Variants in TMC5 observed in about 807,000 individuals in gnomAD.
TMC5 encodes the protein transmembrane channel-like protein 5.
Under a neutral mutation model 110.5 loss-of-function variants are expected in TMC5, and 86 were observed. The ratio of observed to expected loss-of-function variants is 0.78; its 90% CI spans 0.65 to 0.93. The LOEUF is 0.93. Among genes scored for constraint, TMC5 ranks in the 40% least tolerant of loss-of-function variants. The probability of loss-of-function intolerance (pLI) is 0.00; values close to 1 mark genes in which losing one functional copy is unlikely to be tolerated. For synonymous variants in TMC5, 455 were observed against 439.5 expected (o/e 1.04, Z -0.44); for missense variants, 1,144 against 1,222.8 (o/e 0.94, Z 0.96).
intron 1 of TMC5, among the ~76,000 whole-genome samples, chr16:19,418,911 T>A (rs896301257): frequency 1.3e-5 from 2 of 152,110 alleles, no homozygotes; most frequent in Non-Finnish European, 2.9e-5. Flanking sequence ...TGATTTTTAG[T>A]AGAGACAAGG....
Position 19,440,773 on chromosome 16 carries a change from T to G in TMC5, c.735T>G (p.Asp245Glu). The change falls in exon 3 of 22, where the codon GAT becomes GAG. Residue 245 changes from aspartate (D) to glutamate (E), a missense_variant. Coordinates refer to ENST00000542583, the MANE Select transcript of TMC5 (RefSeq NM_001261841.2). ...PSTWREPDYS[D>E]AENGHDYGSS... is the part of the protein sequence containing the mutation. ...CTTGGAGAGAACCTGATTATTCAGA[T>G]GCTGAGAATGGTCATGATTATGGCT... The G allele has an allele frequency of 6.2e-7, 1 of 1,614,044 alleles. No individual in the cohort carries two copies. The highest frequency in any genetic ancestry group is 8.5e-7 in the Non-Finnish European group (1 of 1,180,040).
At chr16:19,423,501 G>A (rs189320797) in intron 1 of TMC5, among the ~76,000 whole-genome samples, 3 of 152,122 alleles carry the variant, frequency 2.0e-5, no homozygotes, top group African/African-American at 7.2e-5. Context: ...CCCTAATAAA[G>A]TTCTACCCCC....
chr16:19,443,307 T>C (rs1359067208), intron 3 of TMC5, among the ~76,000 whole-genome samples: 1 of 152,254 alleles, frequency 6.6e-6, no homozygotes, highest in Non-Finnish European at 1.5e-5. Context: ...ATTTCCTTTA[T>C]ATATTCAGCA....
At chr16:19,451,829 C>T (rs116081301) in intron 5 of TMC5, among the ~76,000 whole-genome samples, 3,115 of 152,206 alleles carry the variant, frequency 0.02, 43 homozygotes, top group South Asian at 0.076. Context: ...TTAAGGATCT[C>T]ACTCCGTTAT....
chr16:19,434,527 T>A (rs909572451), intron 2 of TMC5, among the ~76,000 whole-genome samples: 1 of 149,210 alleles, frequency 6.7e-6, no homozygotes, highest in African/African-American at 2.5e-5. Context: ...TCTTGCTATG[T>A]TGCCCAGGCT....
chr16:19,493,474 T>TA (rs1440417425), intron 19 of TMC5, among the ~76,000 whole-genome samples: 1 of 151,926 alleles, frequency 6.6e-6, no homozygotes, highest in African/African-American at 2.4e-5. Context: ...TCTTTTTTTT[T>TA]TTTTGAGACA....
chr16:19,481,230 A>G (rs953047767), intron 14 of TMC5, 140 bp from the exon 15 acceptor site: 1 of 652,364 alleles, frequency 1.5e-6, no homozygotes, highest in Non-Finnish European at 2.7e-6. Context: ...TAGATTTAGA[A>G]CTTTTGAAAA....
Position 19,440,830 on chromosome 16 carries a change from A to C in TMC5, c.788+4A>C. ...AGACCCCAAAGATGACCAGGGGGTA[A>C]GTTCAGATATATATCCCTTCACTGG... On this transcript the variant is annotated splice_donor_region_variant and intron_variant, in intron 3 of 21. Transcript: ENST00000542583. 1 of 1,610,174 alleles carries C rather than the reference A, an allele frequency of 6.2e-7. No homozygotes were observed. Among genetic ancestry groups the C allele is most frequent in the Non-Finnish European group, 8.5e-7 (1 of 1,178,404 alleles).
chr16:19,434,499 G>GATAGATAGATAT lies in TMC5; in HGVS notation c.-80+3860_-80+3861insTAGATAGATATA, dbSNP rs747139925. On this transcript the variant is annotated intron_variant, in intron 2 of 21. Transcript: ENST00000542583. ...AGATAGATAGATAGATAGATATAGA[G>GATAGATAGATAT]AGAGAGAGAGATGGGGGTCTTGCTA... Among the ~76,000 whole-genome samples the GATAGATAGATAT allele has an allele frequency of 2.4e-3, 304 of 127,096 alleles. 10 individuals carry two copies. The highest frequency in any genetic ancestry group is 6.3e-3 in the Admixed American group (72 of 11,480). 83.4% of individuals were successfully genotyped at this position (127,096 alleles called of 152,430 possible).
chr16:19,451,337 C>T (rs941555829), intron 5 of TMC5, among the ~76,000 whole-genome samples: 3 of 152,118 alleles, frequency 2.0e-5, no homozygotes, highest in African/African-American at 7.2e-5. Context: ...CCTCATCCTT[C>T]AAGAGATGTA....
rs990894572 is a variant in TMC5 at position 19,429,895 on chromosome 16, T to G, written c.-307-518T>G. ...CTTTTTATAAGGACACCAGTCATGT[T>G]GCATTAGGTCCCACCCCAGTGAACT... On this transcript the variant is annotated intron_variant, in intron 1 of 21. Coordinates refer to ENST00000542583, the MANE Select transcript of TMC5 (RefSeq NM_001261841.2). Among the ~76,000 whole-genome samples the G allele has an allele frequency of 4.6e-5, 7 of 152,048 alleles. No homozygotes were observed. In the East Asian group the frequency reaches 1.4e-3, roughly 29 times the overall value.
At chr16:19,434,340 ATAT>A (rs1415374721) in intron 2 of TMC5, among the ~76,000 whole-genome samples, 1 of 123,814 alleles carries the variant, frequency 8.1e-6, no homozygotes, top group Admixed American at 1.0e-4. Context: ...TATATAATAT[ATAT>A]TATATGATCT....
At chr16:19,417,168 C>G (rs1285502573), upstream of TMC5, among the ~76,000 whole-genome samples, 1 of 149,784 alleles carries the variant, frequency 6.7e-6, no homozygotes, top group African/African-American at 2.5e-5. Flanking sequence ...CCTGTAATCT[C>G]AGCAGTTTTG....
At chr16:19,492,915 G>GATATATATATATATCTATATAT (rs1968945360) in intron 19 of TMC5, among the ~76,000 whole-genome samples, 1 of 42,752 alleles carries the variant, frequency 2.3e-5, no homozygotes, top group African/African-American at 5.4e-5. Flanking sequence ...TTAAAACTTA[G>GATATATATATATATCTATATAT]ATATATATAT....
intron 6 of TMC5, among the ~76,000 whole-genome samples, chr16:19,462,909 A>G (rs1368539495): frequency 6.6e-6 from 1 of 151,796 alleles, no homozygotes; most frequent in East Asian, 1.9e-4. Context: ...AAAAAAAAAA[A>G]AAAAGAAAAA....
At chr16:19,485,590 G>A (rs939691191) in intron 15 of TMC5, among the ~76,000 whole-genome samples, 4 of 152,150 alleles carry the variant, frequency 2.6e-5, no homozygotes, top group African/African-American at 4.8e-5. Context: ...GAGCCACCAC[G>A]CCTGGCCTCT....
At chr16:19,427,092 C>T (rs967624818) in intron 1 of TMC5, among the ~76,000 whole-genome samples, 2 of 152,124 alleles carry the variant, frequency 1.3e-5, no homozygotes, top group Non-Finnish European at 2.9e-5. Context: ...CCAGCAGGCT[C>T]CCAGGTGACT....
chr16:19,440,366 T>A lies in TMC5; in HGVS notation c.328T>A (p.Tyr110Asn). The A allele has an allele frequency of 6.2e-7, 1 of 1,614,010 alleles. No homozygotes were observed. Among genetic ancestry groups the A allele is most frequent in the Non-Finnish European group, 8.5e-7 (1 of 1,180,006 alleles). The change falls in exon 3 of 22, where the codon TAT becomes AAT. Residue 110 changes from tyrosine to asparagine, a missense_variant. Physicochemically the swap from Tyr to Asn is moderately radical, Grantham distance 143. Transcript: ENST00000542583. The part of the protein sequence containing the change: ...DHPTSLPEPD[Y>N]SEFQSHPYHR... ...TCCTACCTCTCTACCAGAGCCAGAT[T>A]ATAGTGAATTTCAGAGTCATCCCTA...
At chr16:19,449,685 A>T in intron 5 of TMC5, 54 bp downstream of exon 5, 3 of 1,513,558 alleles carry the variant, frequency 2.0e-6, no homozygotes, top group Admixed American at 3.3e-5. Context: ...TTCAAATTGT[A>T]ATCCCCATGT....
Sources: gnomAD v4.1 joint callset for allele counts (sites outside exome capture counted in the v4.1 genomes callset) on GRCh38, gnomAD v4.1.1 for gene constraint, MANE v1.5 for transcripts, NCBI Gene and HGNC (gene_info 2026-07-23, HGNC 2026-07-21) for gene names.